The following DCLK2 variants were observed in gnomAD, a reference collection of about 807,000 sequenced individuals.
The protein encoded by DCLK2 is doublecortin like kinase 2.
A neutral mutation model predicts 78.4 loss-of-function variants in DCLK2; 31 were observed. That is an observed-to-expected ratio of 0.40 (90% CI 0.30 to 0.53). The LOEUF is 0.53. DCLK2 is among the 20% of genes least tolerant of loss of function. The pLI is 0.61. For synonymous variants in DCLK2, 407 were observed against 374.9 expected (o/e 1.09, Z -0.99); for missense variants, 872 against 973.7 (o/e 0.90, Z 1.39).
chr4:150,214,417 T>G (rs1171617780), intron 5 of DCLK2, among the ~76,000 whole-genome samples: 1 of 152,254 alleles, frequency 6.6e-6, no homozygotes, highest in East Asian at 1.9e-4. Context: ...TGTTCTGTTT[T>G]AGAGTTTAAA....
At chr4:150,099,938 G>C (rs181917264) in intron 1 of DCLK2, among the ~76,000 whole-genome samples, 4,171 of 152,236 alleles carry the variant, frequency 0.027, 152 homozygotes, top group African/African-American at 0.092. Flanking sequence ...ATGGGGACAG[G>C]ATCTTGCTCT....
At chr4:150,083,778 A>G (rs2150129915) in intron 1 of DCLK2, among the ~76,000 whole-genome samples, 1 of 152,290 alleles carries the variant, frequency 6.6e-6, no homozygotes, top group South Asian at 2.1e-4. Context: ...GGGCTGCAAA[A>G]CGTTCTTTAC....
Position 150,079,297 on chromosome 4 carries a change from C to T in DCLK2, c.270C>T (p.Ala90=). 1.3e-6 allele frequency: 2 copies of T among 1,598,062 alleles called. No homozygotes were observed. Among genetic ancestry groups the T allele is most frequent in the Non-Finnish European group, 8.5e-7 (1 of 1,172,604 alleles). ...GCTACTTCAAGGGCCTGGTGTTTGCCATCTCCAGCGACCGCTTCCGGTCCT... is the reference window on the plus strand; with the variant it reads ...GCTACTTCAAGGGCCTGGTGTTTGCTATCTCCAGCGACCGCTTCCGGTCCT... ...GDRYFKGLVF[A]ISSDRFRSFD... Residue 90 remains alanine (A), a synonymous_variant, in exon 1 of 16, where the codon GCC becomes GCT. Coordinates refer to ENST00000296550, the MANE Select transcript of DCLK2 (RefSeq NM_001040260.4).
chr4:150,083,188 C>T (rs530357285), intron 1 of DCLK2, among the ~76,000 whole-genome samples: 3 of 152,306 alleles, frequency 2.0e-5, no homozygotes, highest in East Asian at 3.9e-4. Flanking sequence ...TGCACATGTC[C>T]AGATAACAAT....
intron 5 of DCLK2, among the ~76,000 whole-genome samples, chr4:150,213,331 C>A (rs1004372315): frequency 6.6e-6 from 1 of 152,212 alleles, no homozygotes; most frequent in Non-Finnish European, 1.5e-5. Context: ...TTTTGCCAAA[C>A]GAAACCAAAT....
intron 14 of DCLK2, among the ~76,000 whole-genome samples, chr4:150,249,142 C>T (rs931230960): frequency 2.0e-5 from 3 of 151,992 alleles, no homozygotes; most frequent in Admixed American, 6.6e-5. Flanking sequence ...AGCTAAGATA[C>T]CACATTTTTT....
At chr4:150,081,211 C>T (rs912499544) in intron 1 of DCLK2, among the ~76,000 whole-genome samples, 2 of 152,154 alleles carry the variant, frequency 1.3e-5, no homozygotes, top group African/African-American at 4.8e-5. Context: ...GAAATTTTAA[C>T]AGTGGATTTA....
intron 2 of DCLK2, among the ~76,000 whole-genome samples, chr4:150,178,678 C>G (rs977704834): frequency 6.6e-6 from 1 of 152,218 alleles, no homozygotes; most frequent in African/African-American, 2.4e-5. Flanking sequence ...ATTTTGGACT[C>G]TAATCTACTC....
intron 3 of DCLK2, among the ~76,000 whole-genome samples, chr4:150,194,268 A>G (rs990823986): frequency 2.6e-5 from 4 of 152,182 alleles, no homozygotes; most frequent in Non-Finnish European, 4.4e-5. Context: ...TTTGTAGCCC[A>G]GGAGCAATAG....
rs564972926 is a variant in DCLK2, at chr4:150,237,646, C to G, written c.1567-2096C>G. Among the ~76,000 whole-genome samples the G allele has an allele frequency of 3.7e-4, 57 of 152,180 alleles. No homozygotes were observed. The South Asian group carries it at 0.011, about 30-fold the overall frequency. ...TGGCCTGGGAGAGCCCTGCGGTTCT[C>G]CATTCTTTTTTACTGATGACTATTT... On this transcript the variant is annotated intron_variant, in intron 10 of 15. Coordinates refer to ENST00000296550, the MANE Select transcript of DCLK2 (RefSeq NM_001040260.4).
intron 2 of DCLK2, among the ~76,000 whole-genome samples, chr4:150,132,256 A>G (rs1297222037): frequency 6.6e-6 from 1 of 152,186 alleles, no homozygotes; most frequent in Non-Finnish European, 1.5e-5. Flanking sequence ...GTTAATGGGA[A>G]CGTCATTCTC....
intron 2 of DCLK2, among the ~76,000 whole-genome samples, chr4:150,146,996 G>A (rs958496301): frequency 6.6e-6 from 1 of 151,864 alleles, no homozygotes; most frequent in African/African-American, 2.4e-5. Flanking sequence ...TTGAAATACT[G>A]TATGTGGCCA....
At chr4:150,213,962 A>G (rs1246583076) in intron 5 of DCLK2, among the ~76,000 whole-genome samples, 2 of 152,198 alleles carry the variant, frequency 1.3e-5, no homozygotes, top group Non-Finnish European at 2.9e-5. Flanking sequence ...TGGGCAAGTT[A>G]TATAACCTCT....
chr4:150,117,820 T>C (rs1435060088), intron 2 of DCLK2, among the ~76,000 whole-genome samples: 3 of 152,238 alleles, frequency 2.0e-5, no homozygotes, highest in Non-Finnish European at 2.9e-5. Flanking sequence ...TCAGTTTTCA[T>C]GTTAAGTTCC....
chr4:150,192,127 T>C (rs1173401991), intron 2 of DCLK2, among the ~76,000 whole-genome samples: 1 of 152,158 alleles, frequency 6.6e-6, no homozygotes, highest in Admixed American at 6.6e-5. Context: ...CTGGGATAGA[T>C]CCAGGTTCTG....
intron 10 of DCLK2, among the ~76,000 whole-genome samples, chr4:150,236,096 A>G (rs1742482647): frequency 1.3e-5 from 2 of 152,208 alleles, no homozygotes; most frequent in South Asian, 4.1e-4. Context: ...TTTTATTTAG[A>G]GAACACACAG....
chr4:150,212,557 T>C (rs1740397673), intron 5 of DCLK2, among the ~76,000 whole-genome samples: 1 of 152,236 alleles, frequency 6.6e-6, no homozygotes, highest in Non-Finnish European at 1.5e-5. Flanking sequence ...TAATTGATTT[T>C]GTAGAACAAA....
At chr4:150,228,619 C>T (rs188191100) in intron 8 of DCLK2, among the ~76,000 whole-genome samples, 106 of 152,308 alleles carry the variant, frequency 7.0e-4, no homozygotes, top group African/African-American at 2.4e-3. Flanking sequence ...GAGAGGACTA[C>T]CTGACCCAGC....
At position 150,102,473 on chromosome 4, in the gene DCLK2, T is replaced by C; in HGVS notation, c.422-5T>C. On this transcript the variant is annotated splice_region_variant and splice_polypyrimidine_tract_variant and intron_variant, in intron 1 of 15. Transcript: ENST00000296550. Reference sequence around the variant, plus strand: ...ATGCTAATAAAATCAAATTTTGCTTTTTAGGTGAGAGTTACGTGTGTGCAT... The same window carrying C: ...ATGCTAATAAAATCAAATTTTGCTTCTTAGGTGAGAGTTACGTGTGTGCAT... The C allele has an allele frequency of 6.2e-7, 1 of 1,606,142 alleles. No homozygotes were observed. Among genetic ancestry groups the C allele is most frequent in the Non-Finnish European group, 8.5e-7 (1 of 1,175,354 alleles).
Sources: allele counts gnomAD v4.1 joint callset (sites outside exome capture counted in the v4.1 genomes callset), GRCh38; gene constraint gnomAD v4.1.1; transcripts MANE v1.5; gene names NCBI Gene and HGNC (gene_info 2026-07-23, HGNC 2026-07-21).